BCO1: variants seen among roughly 807,000 people sequenced by gnomAD.
BCO1 encodes the protein beta-carotene oxygenase 1, also known as beta,beta-carotene 15,15'-dioxygenase.
In BCO1, 54 loss-of-function variants were observed where a neutral mutation model predicts 56.3. The observed-to-expected ratio is 0.96, with a 90% CI of 0.77 to 1.20. BCO1 has a LOEUF of 1.20. Ranked by LOEUF, BCO1 falls within the 50% of genes most tolerant of loss-of-function variation. The pLI is 0.00. For synonymous variants in BCO1, 318 were observed against 266.1 expected, an observed-to-expected ratio of 1.20 and a Z score of -1.90; for missense variants, 801 against 690.9, an observed-to-expected ratio of 1.16 and a Z score of -1.79.
chr16:81,258,937 AAG>A (rs149099784), intron 2 of BCO1, among the ~76,000 whole-genome samples: 8 of 150,414 alleles, frequency 5.3e-5, no homozygotes, highest in African/African-American at 7.3e-5. Flanking sequence ...CACATGGTGA[AAG>A]AGAGAGAGAG....
chr16:81,286,593 C>T (rs1045090779), intron 9 of BCO1, among the ~76,000 whole-genome samples: 9 of 152,172 alleles, frequency 5.9e-5, no homozygotes, highest in Non-Finnish European at 8.8e-5. Context: ...TGGTGGCTCA[C>T]GCCTGTAATC....
chr16:81,269,200 C>A (rs1299961881), intron 6 of BCO1, among the ~76,000 whole-genome samples: 2 of 151,906 alleles, frequency 1.3e-5, no homozygotes, highest in East Asian at 3.9e-4. Context: ...CACTTCCCCC[C>A]TCCTGCCTCC....
intron 10 of BCO1, among the ~76,000 whole-genome samples, chr16:81,289,023 C>T (rs2150651562): frequency 6.6e-6 from 1 of 152,378 alleles, no homozygotes; most frequent in Non-Finnish European, 1.5e-5. Context: ...ACTTCCTTTA[C>T]ATTCTCTGTG....
In BCO1 at chr16:81,280,883, CA is replaced by C. The variant is rs780089386; in HGVS notation, c.1131del (p.Val378TrpfsTer9). 1 of 1,613,944 alleles carries C rather than the reference CA, an allele frequency of 6.2e-7. No homozygotes were observed. Among genetic ancestry groups the C allele is most frequent in the Admixed American group, 1.7e-5 (1 of 60,016 alleles). ...ATGCAGAAGTGGGCACAAATTTAAT[CA>C]AAGTGGCATCTACAACAGCCACGGC... ...KNAEVGTNLI[K>X]VASTTATALK... On this transcript the variant is annotated frameshift_variant, in exon 8 of 11. Coordinates refer to ENST00000258168, the MANE Select transcript of BCO1 (RefSeq NM_017429.3). LOFTEE classifies it high-confidence loss of function.
At chr16:81,241,672 C>T (rs192273213) in intron 1 of BCO1, among the ~76,000 whole-genome samples, 1 of 152,318 alleles carries the variant, frequency 6.6e-6, no homozygotes, top group East Asian at 1.9e-4. Flanking sequence ...TCCCTATTGA[C>T]AGATGGGAAA....
At chr16:81,278,758 GGGCCAAAGAATCAA>G in intron 7 of BCO1, among the ~76,000 whole-genome samples, 1 of 152,232 alleles carries the variant, frequency 6.6e-6, no homozygotes, top group South Asian at 2.1e-4. Context: ...TCTTGCTTCT[GGGCCAAAGAATCAA>G]TGCAAAGGCC....
chr16:81,261,254 C>T (rs920944776), intron 3 of BCO1, among the ~76,000 whole-genome samples: 21 of 152,174 alleles, frequency 1.4e-4, no homozygotes, highest in African/African-American at 5.1e-4. Flanking sequence ...GAGGAGCACT[C>T]CCCAATACAC....
At chr16:81,270,735 T>C (rs568984926) in intron 7 of BCO1, among the ~76,000 whole-genome samples, 2 of 135,554 alleles carry the variant, frequency 1.5e-5, no homozygotes, top group South Asian at 2.4e-4. Context: ...TTCATTTTAA[T>C]CATATTGTAC....
intron 2 of BCO1, among the ~76,000 whole-genome samples, chr16:81,248,633 T>G (rs976952664): frequency 2.0e-5 from 3 of 152,132 alleles, no homozygotes; most frequent in Non-Finnish European, 4.4e-5. Context: ...CACTAAATCT[T>G]AATGATTCCT....
At chr16:81,263,696 C>T (rs1906637228) in intron 4 of BCO1, 1 of 152,210 alleles carries the variant, frequency 6.6e-6, no homozygotes, top group Non-Finnish European at 1.5e-5. Context: ...AGGCAAAAAG[C>T]TAGGGCACAA....
intron 2 of BCO1, among the ~76,000 whole-genome samples, chr16:81,250,224 C>G (rs9934274): frequency 0.44 from 66,430 of 151,870 alleles, 14,878 homozygotes; most frequent in African/African-American, 0.52. Flanking sequence ...GTTGGTAAAG[C>G]TCAGACATAG....
intron 3 of BCO1, among the ~76,000 whole-genome samples, chr16:81,261,719 T>C (rs1301830299): frequency 6.6e-6 from 1 of 152,154 alleles, no homozygotes; most frequent in African/African-American, 2.4e-5. Flanking sequence ...CCAGTTGCTT[T>C]TTCTTCCTTA....
chr16:81,267,477 G>A (rs1243653119), intron 5 of BCO1, among the ~76,000 whole-genome samples: 1 of 152,206 alleles, frequency 6.6e-6, no homozygotes, highest in Admixed American at 6.5e-5. Flanking sequence ...GCCAAGCATG[G>A]TGGCGTGAGC....
At chr16:81,242,161 T>C (rs192712388) in intron 1 of BCO1, among the ~76,000 whole-genome samples, 191 of 151,658 alleles carry the variant, frequency 1.3e-3, no homozygotes, top group Non-Finnish European at 1.9e-3. Context: ...GCCACGATTA[T>C]GTAGGTGCCC....
At chr16:81,287,653 C>G (rs1377130301) in intron 10 of BCO1, among the ~76,000 whole-genome samples, 1 of 152,144 alleles carries the variant, frequency 6.6e-6, no homozygotes, top group Non-Finnish European at 1.5e-5. Flanking sequence ...TTCATTAAAT[C>G]ACCAACCTCA....
intron 7 of BCO1, among the ~76,000 whole-genome samples, chr16:81,278,254 C>T (rs986088016): frequency 5.3e-5 from 8 of 152,070 alleles, no homozygotes; most frequent in Non-Finnish European, 1.2e-4. Context: ...GTTAGCCAGG[C>T]TGGTCTCGAA....
intron 1 of BCO1, among the ~76,000 whole-genome samples, chr16:81,244,576 G>C (rs1260802809): frequency 6.6e-6 from 1 of 151,960 alleles, no homozygotes; most frequent in African/African-American, 2.4e-5. Flanking sequence ...TTGCCTTTGT[G>C]AGGCGAATAC....
At chr16:81,254,001 A>T (rs1331942382) in intron 2 of BCO1, among the ~76,000 whole-genome samples, 1 of 152,164 alleles carries the variant, frequency 6.6e-6, no homozygotes, top group Non-Finnish European at 1.5e-5. Context: ...ACTTATTCAC[A>T]CAGTAACCAC....
intron 4 of BCO1, chr16:81,263,984 C>A: frequency 6.4e-6 from 1 of 156,512 alleles, no homozygotes; most frequent in Non-Finnish European, 1.4e-5. Flanking sequence ...TGACTCTGGG[C>A]TGGAGGTTGT....
Sources: gnomAD v4.1 joint callset for allele counts (sites outside exome capture counted in the v4.1 genomes callset) on GRCh38, gnomAD v4.1.1 for gene constraint, MANE v1.5 for transcripts, NCBI Gene and HGNC (gene_info 2026-07-23, HGNC 2026-07-21) for gene names.